ARHGAP39: variants seen among roughly 807,000 people sequenced by gnomAD.
ARHGAP39 encodes Rho GTPase activating protein 39, also known as rho GTPase-activating protein 39.
A neutral mutation model predicts 106.9 loss-of-function variants in ARHGAP39; 44 were observed. That is an observed-to-expected ratio of 0.41 (90% CI 0.32 to 0.53). The LOEUF is 0.53. Ranked by LOEUF, ARHGAP39 falls within the 20% of genes least tolerant of loss-of-function variation. The pLI is 0.21. For synonymous variants in ARHGAP39, 768 were observed against 693.2 expected (o/e 1.11, Z -1.69); for missense variants, 1,496 against 1,577.3 (o/e 0.95, Z 0.87).
chr8:144,661,520 A>G (rs1821821408), intron 1 of ARHGAP39, among the ~76,000 whole-genome samples: 1 of 152,108 alleles, frequency 6.6e-6, no homozygotes, highest in Non-Finnish European at 1.5e-5. Context: ...AGAGGAAAAC[A>G]GCCTCTAACC....
intron 7 of ARHGAP39, among the ~76,000 whole-genome samples, chr8:144,536,866 T>A (rs908242918): frequency 6.6e-6 from 1 of 152,238 alleles, no homozygotes; most frequent in African/African-American, 2.4e-5. Context: ...TGGGCCTGCA[T>A]GGGCAGCATG....
intron 1 of ARHGAP39, among the ~76,000 whole-genome samples, chr8:144,623,386 T>C (rs2130970146): frequency 6.6e-6 from 1 of 152,318 alleles, no homozygotes; most frequent in East Asian, 1.9e-4. Context: ...ACAAAGACTG[T>C]CAGCAAGATT....
At chr8:144,579,148 G>C (rs921927078) in intron 3 of ARHGAP39, among the ~76,000 whole-genome samples, 2 of 136,862 alleles carry the variant, frequency 1.5e-5, no homozygotes, top group Non-Finnish European at 3.0e-5. Context: ...CTTGCAGTGA[G>C]CAGCAATCGT....
intron 2 of ARHGAP39, among the ~76,000 whole-genome samples, chr8:144,603,943 C>T (rs1382631255): frequency 6.6e-6 from 1 of 152,178 alleles, no homozygotes; most frequent in Admixed American, 6.5e-5. Context: ...GCTTATGCAC[C>T]AAGCCAGTGA....
intron 1 of ARHGAP39, among the ~76,000 whole-genome samples, chr8:144,626,916 C>A (rs1411453461): frequency 6.6e-6 from 1 of 152,240 alleles, no homozygotes; most frequent in Non-Finnish European, 1.5e-5. Context: ...GGGACAACAG[C>A]CCCCACAAGA....
intron 1 of ARHGAP39, among the ~76,000 whole-genome samples, chr8:144,663,935 G>C (rs1821897410): frequency 6.6e-6 from 1 of 152,226 alleles, no homozygotes; most frequent in Non-Finnish European, 1.5e-5. Context: ...GGGTGGCTGA[G>C]ACAGGCGGAT....
At chr8:144,634,963 C>T (rs1471997186) in intron 1 of ARHGAP39, among the ~76,000 whole-genome samples, 1 of 152,280 alleles carries the variant, frequency 6.6e-6, no homozygotes, top group Non-Finnish European at 1.5e-5. Context: ...TGGGTAACTT[C>T]TGTCTCTCCT....
the ARHGAP39 span, among the ~76,000 whole-genome samples, chr8:144,694,914 C>A: frequency 6.6e-6 from 1 of 151,942 alleles, no homozygotes; most frequent in African/African-American, 2.4e-5. Context: ...CGATCAGCAC[C>A]AAGTGCTATT....
chr8:144,676,662 C>T (rs751372057), intron 1 of ARHGAP39, among the ~76,000 whole-genome samples: 4 of 152,260 alleles, frequency 2.6e-5, no homozygotes, highest in Non-Finnish European at 4.4e-5. Flanking sequence ...CGGCACCTAG[C>T]CCGGGCACTC....
chr8:144,593,981 C>T (rs148251112), intron 2 of ARHGAP39, among the ~76,000 whole-genome samples: 1,663 of 150,290 alleles, frequency 0.011, 32 homozygotes, highest in African/African-American at 0.039. Flanking sequence ...CCCAGCTACT[C>T]GGCAGGCTGA....
intron 1 of ARHGAP39, among the ~76,000 whole-genome samples, chr8:144,615,433 C>CCCATTCTT (rs1471126893): frequency 1.3e-5 from 2 of 152,134 alleles, no homozygotes; most frequent in African/African-American, 4.8e-5. Flanking sequence ...GAGACACAAC[C>CCCATTCTT]CCATTCTTTT....
At chr8:144,678,968 CA>C (rs1306947445) in intron 1 of ARHGAP39, among the ~76,000 whole-genome samples, 2 of 151,930 alleles carry the variant, frequency 1.3e-5, no homozygotes, top group East Asian at 3.9e-4. Flanking sequence ...GATCACTGTT[CA>C]GGGGGAACTG....
intron 1 of ARHGAP39, among the ~76,000 whole-genome samples, chr8:144,616,588 G>A (rs1048101648): frequency 2.6e-5 from 4 of 152,146 alleles, no homozygotes; most frequent in East Asian, 3.9e-4. Flanking sequence ...GCTGAGTGTT[G>A]CTGACTCTGA....
At chr8:144,553,131 T>A (rs1470459683) in intron 4 of ARHGAP39, among the ~76,000 whole-genome samples, 2 of 152,180 alleles carry the variant, frequency 1.3e-5, no homozygotes, top group Non-Finnish European at 2.9e-5. Context: ...TCACTCCTGG[T>A]GGGAGTCCAG....
chr8:144,698,087 T>A, the ARHGAP39 span, among the ~76,000 whole-genome samples: 1 of 152,168 alleles, frequency 6.6e-6, no homozygotes, highest in African/African-American at 2.4e-5. Context: ...TGGTACTTGG[T>A]AGGAGGTGTT....
At chr8:144,552,579 C>T (rs1405360091) in intron 4 of ARHGAP39, among the ~76,000 whole-genome samples, 3 of 152,238 alleles carry the variant, frequency 2.0e-5, no homozygotes, top group Admixed American at 6.5e-5. Context: ...CTAGGCCTGA[C>T]CCTGCCAGGC....
rs557792516 is a variant in ARHGAP39, at chr8:144,614,985, G to C, written c.-81-9290C>G. On this transcript the variant is annotated intron_variant, in intron 1 of 11. Transcript: ENST00000377307. ...GATCAGTATGATGTTGAAAAACTAA[G>C]AGGAATCCTCAGCCCATCCTTTCAT... Among the ~76,000 whole-genome samples, 109 of 152,292 alleles carry C rather than the reference G, an allele frequency of 7.2e-4. 1 individual carries two copies. The highest frequency in any genetic ancestry group is 2.5e-3 in the African/African-American group (105 of 41,548).
At chr8:144,685,852 C>CCG, upstream of ARHGAP39, among the ~76,000 whole-genome samples, 1 of 148,636 alleles carries the variant, frequency 6.7e-6, no homozygotes, top group South Asian at 2.1e-4. Flanking sequence ...TGCGCGGCGG[C>CCG]CGCGCGTCCT....
At chr8:144,578,443 G>T (rs1320625574) in intron 3 of ARHGAP39, among the ~76,000 whole-genome samples, 1 of 152,140 alleles carries the variant, frequency 6.6e-6, no homozygotes, top group Non-Finnish European at 1.5e-5. Context: ...TGGACAAGCT[G>T]GTCTCAAACT....
Sources: allele counts gnomAD v4.1 joint callset (sites outside exome capture counted in the v4.1 genomes callset), GRCh38; gene constraint gnomAD v4.1.1; transcripts MANE v1.5; gene names NCBI Gene and HGNC (gene_info 2026-07-23, HGNC 2026-07-21).